Variants in FBXO7 observed in about 807,000 individuals in gnomAD.
FBXO7 encodes F-box protein 7.
A neutral mutation model predicts 50.2 loss-of-function variants in FBXO7; 31 were observed. That is an observed-to-expected ratio of 0.62 (90% confidence interval 0.46 to 0.83). The LOEUF (loss-of-function observed/expected upper bound fraction) is 0.83. Ranked by LOEUF, FBXO7 falls within the 40% of genes least tolerant of loss-of-function variation. The pLI is 0.00. For synonymous variants in FBXO7, 256 were observed against 253.1 expected (o/e 1.01, Z -0.11); for missense variants, 667 against 646.6 (o/e 1.03, Z -0.34).
chr22:32,487,552 A>C (rs143328875), intron 4 of FBXO7, 193 bp from the exon 5 acceptor site: 31 of 552,440 alleles, frequency 5.6e-5, no homozygotes, highest in Non-Finnish European at 9.5e-5. Flanking sequence ...TTGTAGAGTG[A>C]TTTTACTTCA....
chr22:32,480,621 T>A (rs2057458508), intron 2 of FBXO7, among the ~76,000 whole-genome samples: 1 of 152,204 alleles, frequency 6.6e-6, no homozygotes, highest in Non-Finnish European at 1.5e-5. Flanking sequence ...TTTCTTTGTA[T>A]TGATTATCTG....
Position 32,498,273 on chromosome 22 carries a change from C to T in FBXO7, c.1312C>T (p.Arg438Cys), listed in dbSNP as rs757568839. Residue 438 changes from arginine to cysteine, a missense_variant, in exon 9 of 9, where the codon CGC becomes TGC. Physicochemically the swap from Arg to Cys is radical, Grantham distance 180 (BLOSUM62 -3). Transcript: ENST00000266087. ...PLHPRPFPSSRLPPGIIGGEY... is the reference protein window; with the variant it reads ...PLHPRPFPSSCLPPGIIGGEY... ...GCACCCTAGGCCATTTCCTAGCTCCCGCCTTCCTCCAGGAATTATCGGGGG... is the reference window on the plus strand; with the variant it reads ...GCACCCTAGGCCATTTCCTAGCTCCTGCCTTCCTCCAGGAATTATCGGGGG... 61 of 1,614,072 alleles carry T rather than the reference C, an allele frequency of 3.8e-5. No homozygotes were observed. Among genetic ancestry groups the T allele is most frequent in the Middle Eastern group, 3.3e-4 (2 of 6,084 alleles).
chr22:32,495,780 A>T (rs893047218), intron 8 of FBXO7, among the ~76,000 whole-genome samples: 61 of 152,168 alleles, frequency 4.0e-4, no homozygotes, highest in Non-Finnish European at 3.8e-4. Context: ...TTGCAACAAA[A>T]TTTAAATGAG....
Position 32,491,136 on chromosome 22 carries a change from T to C in FBXO7, c.922T>C (p.Phe308Leu), listed in dbSNP as rs1262870456. Residue 308 changes from phenylalanine to leucine, a missense_variant, in exon 6 of 9, where the codon TTT becomes CTT. Coordinates refer to ENST00000266087, the MANE Select transcript of FBXO7 (RefSeq NM_012179.4). ...YKDLQKLSRL[F>L]KDQLVYPLLA... ...AGATCTTCAGAAACTCTCTCGCCTCTTTAAAGACCAGCTGGTGTATCCTCT... is the reference window on the plus strand; with the variant it reads ...AGATCTTCAGAAACTCTCTCGCCTCCTTAAAGACCAGCTGGTGTATCCTCT... The C allele has an allele frequency of 6.2e-7, 1 of 1,613,388 alleles. No homozygotes were observed. The highest frequency in any genetic ancestry group is 8.5e-7 in the Non-Finnish European group (1 of 1,179,474).
chr22:32,485,123 A>G lies in FBXO7; in HGVS notation c.701A>G (p.Tyr234Cys), dbSNP rs766225343. 6.2e-7 allele frequency: 1 copy of G among 1,614,202 alleles called. No homozygotes were observed. The highest frequency in any genetic ancestry group is 1.1e-5 in the South Asian group (1 of 91,086). The change falls in exon 4 of 9, where the codon TAT (tyrosine) becomes TGT (cysteine). Residue 234 changes from tyrosine to cysteine, a missense_variant. Physicochemically the swap from Tyr to Cys is radical, Grantham distance 194. Coordinates refer to ENST00000266087, the MANE Select transcript of FBXO7 (RefSeq NM_012179.4). ...MPEKWKLSGVYKLQYMHPLCE... is the reference protein window; with the variant it reads ...MPEKWKLSGVCKLQYMHPLCE... ...GAGAAGTGGAAGTTGAGCGGGGTGT[A>G]TAAGCTGCAGTACATGCATCCTCTC...
intron 5 of FBXO7, chr22:32,489,750 A>C (rs2057522479): frequency 6.6e-6 from 1 of 152,242 alleles, no homozygotes; most frequent in African/African-American, 2.4e-5. Context: ...GTTATAATGA[A>C]GTATTTTTAA....
At chr22:32,485,349 T>C (rs758834230) in intron 4 of FBXO7, 140 bp downstream of exon 4, 7 of 1,085,430 alleles carry the variant, frequency 6.4e-6, no homozygotes, top group Non-Finnish European at 9.7e-6. Flanking sequence ...CCTAGGCCAC[T>C]GATAACATGT....
At chr22:32,476,213 A>C (rs1459327190) in intron 1 of FBXO7, among the ~76,000 whole-genome samples, 1 of 152,112 alleles carries the variant, frequency 6.6e-6, no homozygotes, top group East Asian at 1.9e-4. Flanking sequence ...TTAAAAAAAA[A>C]ACCCTAAATA....
intron 7 of FBXO7, 53 bp from the exon 8 acceptor site, chr22:32,495,440 T>C (rs920877575): frequency 2.4e-6 from 3 of 1,262,820 alleles, no homozygotes; most frequent in African/African-American, 2.9e-5. Context: ...CACTGTTTAA[T>C]GCAGGACGAA....
intron 1 of FBXO7, chr22:32,475,658 A>AT: frequency 2.0e-6 from 1 of 494,516 alleles, no homozygotes; most frequent in Non-Finnish European, 3.5e-6. Flanking sequence ...AGCGGCAACA[A>AT]TTTTAGATTC....
Position 32,483,999 on chromosome 22 carries a change from T to C in FBXO7, c.520T>C (p.Ser174Pro), listed in dbSNP as rs1458349518. The change falls in exon 3 of 9, where the codon TCG becomes CCG. Residue 174 changes from serine (S) to proline (P), a missense_variant. Transcript: ENST00000266087. ...YPSEPMLCSESVEGQVPHSLE... is the reference protein window; with the variant it reads ...YPSEPMLCSEPVEGQVPHSLE... Reference sequence around the variant, plus strand: ...CTCAGAACCCATGCTCTGTAGTGAATCGGTGGAAGGGCAAGTGCCACATTC... The same window carrying C: ...CTCAGAACCCATGCTCTGTAGTGAACCGGTGGAAGGGCAAGTGCCACATTC... The C allele has an allele frequency of 6.2e-7, 1 of 1,614,154 alleles. No individual in the cohort carries two copies. Among genetic ancestry groups the C allele is most frequent in the Non-Finnish European group, 8.5e-7 (1 of 1,180,012 alleles).
At chr22:32,492,902 A>G in intron 6 of FBXO7, 1 of 622,292 alleles carries the variant, frequency 1.6e-6, no homozygotes, top group Non-Finnish European at 2.9e-6. Context: ...ATAAGGGCCT[A>G]GAGTTATATG....
At chr22:32,477,191 T>C (rs1012067140) in intron 1 of FBXO7, among the ~76,000 whole-genome samples, 1 of 152,242 alleles carries the variant, frequency 6.6e-6, no homozygotes, top group Non-Finnish European at 1.5e-5. Flanking sequence ...TCTATTTCAG[T>C]AATTTTAATT....
intron 5 of FBXO7, chr22:32,488,277 T>C (rs1363624281): frequency 6.2e-6 from 1 of 161,386 alleles, no homozygotes; most frequent in African/African-American, 2.4e-5. Context: ...TTTAAACCTA[T>C]ATAAATTTGA....
At chr22:32,481,480 G>T (rs111708458) in intron 2 of FBXO7, among the ~76,000 whole-genome samples, 2,325 of 152,270 alleles carry the variant, frequency 0.015, 63 homozygotes, top group African/African-American at 0.052. Context: ...AATGTTGCCT[G>T]AAGTTACTAA....
intron 1 of FBXO7, among the ~76,000 whole-genome samples, chr22:32,476,835 C>A (rs1438597979): frequency 6.6e-6 from 1 of 152,160 alleles, no homozygotes; most frequent in African/African-American, 2.4e-5. Context: ...CCTCTTAACG[C>A]CCCAATTTCA....
chr22:32,484,149 A>T (rs775374545), intron 3 of FBXO7, 25 bp downstream of exon 3: 2 of 1,580,184 alleles, frequency 1.3e-6, no homozygotes, highest in Non-Finnish European at 1.7e-6. Context: ...CAAAACACAG[A>T]CATCTTATGA....
rs1279582724 is a variant in FBXO7, at chr22:32,493,119, G to C, written c.982G>C (p.Asp328His). The C allele has an allele frequency of 6.2e-7, 1 of 1,614,026 alleles. No homozygotes were observed. Among genetic ancestry groups the C allele is most frequent in the Non-Finnish European group, 8.5e-7 (1 of 1,179,994 alleles). The change falls in exon 7 of 9, where the codon GAT (aspartate) becomes CAT (histidine). Residue 328 changes from aspartate (D) to histidine (H), a missense_variant. By Grantham distance (81) the Asp-to-His change is moderately conservative. Transcript: ENST00000266087. ...TTTCCTTTTAGCACTGAACCTACCA[G>C]ATGTATTTGGGTTGGTCGTCCTCCC... ...AFTRQALNLP[D>H]VFGLVVLPLE... is the part of the protein sequence containing the mutation.
chr22:32,494,416 C>A (rs978166208), intron 7 of FBXO7, among the ~76,000 whole-genome samples: 1 of 152,066 alleles, frequency 6.6e-6, no homozygotes, highest in Non-Finnish European at 1.5e-5. Flanking sequence ...TCATAGCTCA[C>A]TGCCACCCCC....
Sources: gnomAD v4.1 joint callset for allele counts (sites outside exome capture counted in the v4.1 genomes callset) on GRCh38, gnomAD v4.1.1 for gene constraint, MANE v1.5 for transcripts, NCBI Gene and HGNC (gene_info 2026-07-23, HGNC 2026-07-21) for gene names.